The following C8orf34 variants were observed in gnomAD, a reference collection of about 807,000 sequenced individuals.
The protein encoded by C8orf34 is uncharacterized protein C8orf34.
A neutral mutation model predicts 68.3 loss-of-function variants in C8orf34; 65 were observed. The observed-to-expected ratio is 0.95, with a 90% CI of 0.78 to 1.17. The LOEUF (loss-of-function observed/expected upper bound fraction) is 1.17, where lower values mean the gene tolerates loss of function less well. Among genes scored for constraint, C8orf34 ranks in the 50% most tolerant of loss-of-function variants. C8orf34 has a pLI of 0.00. For missense variants in C8orf34, 664 were observed against 655.4 expected (o/e 1.01, Z -0.14); for synonymous variants, 244 against 241.2 (o/e 1.01, Z -0.11).
At chr8:68,381,425 C>T (rs937964502) in intron 1 of C8orf34, among the ~76,000 whole-genome samples, 16 of 152,144 alleles carry the variant, frequency 1.1e-4, no homozygotes, top group Non-Finnish European at 1.6e-4. Flanking sequence ...GTTTACAACA[C>T]ACATCATTTA....
intron 8 of C8orf34, among the ~76,000 whole-genome samples, chr8:68,696,203 T>C (rs1020549329): frequency 6.7e-6 from 1 of 149,264 alleles, no homozygotes; most frequent in African/African-American, 2.4e-5. Context: ...TGTATATACT[T>C]TATGTTATAT....
At chr8:68,497,421 A>C (rs1813572986) in intron 5 of C8orf34, among the ~76,000 whole-genome samples, 1 of 152,196 alleles carries the variant, frequency 6.6e-6, no homozygotes, top group Non-Finnish European at 1.5e-5. Context: ...GGGAATGCAA[A>C]ATGCTACAAA....
At chr8:68,355,997 A>G (rs927110437) in intron 1 of C8orf34, among the ~76,000 whole-genome samples, 1 of 152,086 alleles carries the variant, frequency 6.6e-6, no homozygotes, top group Non-Finnish European at 1.5e-5. Flanking sequence ...ATTACAGTTT[A>G]TATTCTGTTT....
chr8:68,484,954 C>T (rs575250813), intron 4 of C8orf34, among the ~76,000 whole-genome samples: 4 of 152,264 alleles, frequency 2.6e-5, no homozygotes, highest in African/African-American at 9.6e-5. Flanking sequence ...AGTATTTGAA[C>T]AAAATATGGT....
At chr8:68,586,793 A>T (rs937058831) in intron 7 of C8orf34, among the ~76,000 whole-genome samples, 8 of 152,098 alleles carry the variant, frequency 5.3e-5, no homozygotes, top group Non-Finnish European at 7.4e-5. Flanking sequence ...TTTTGTTTTG[A>T]TGAGCAAAGA....
rs1312371021 is a variant in C8orf34 at position 68,744,705 on chromosome 8, G to A, written c.1404+23268G>A. ...GAGAAAAAAGAATAAAAAGAAACGA[G>A]CAAAGCCTCCAAGAAATATGGGACT... On this transcript the variant is annotated intron_variant, in intron 10 of 13. Transcript: ENST00000518698. Among the ~76,000 whole-genome samples, 1,314 of 152,126 alleles carry A rather than the reference G, an allele frequency of 8.6e-3. 16 individuals are homozygous for A. Among genetic ancestry groups the A allele is most frequent in the African/African-American group, 0.028 (1,182 of 41,496 alleles).
At chr8:68,464,445 A>C (rs982163898) in intron 3 of C8orf34, among the ~76,000 whole-genome samples, 1 of 151,804 alleles carries the variant, frequency 6.6e-6, no homozygotes, top group Non-Finnish European at 1.5e-5. Flanking sequence ...ATTGGAAAAA[A>C]CTACTTTAAA....
intron 1 of C8orf34, among the ~76,000 whole-genome samples, chr8:68,388,388 A>C (rs2129620496): frequency 6.6e-6 from 1 of 152,224 alleles, no homozygotes; most frequent in Admixed American, 6.5e-5. Context: ...CAGCTAGCTG[A>C]GAATCACCCC....
Position 68,376,590 on chromosome 8 carries a change from A to G in C8orf34, c.327+45251A>G, listed in dbSNP as rs187204479. On this transcript the variant is annotated intron_variant, in intron 1 of 13. Transcript: ENST00000518698. Reference sequence around the variant, plus strand: ...GGCCTGCCTGCCTCCCTTTTCTTTTATGTTCTGTGCATCTTTCTCCTTTTT... The same window carrying G: ...GGCCTGCCTGCCTCCCTTTTCTTTTGTGTTCTGTGCATCTTTCTCCTTTTT... Among the ~76,000 whole-genome samples the G allele has an allele frequency of 4.1e-3, 612 of 150,254 alleles. 3 individuals are homozygous for G. Among genetic ancestry groups the G allele is most frequent in the African/African-American group, 0.014 (588 of 40,912 alleles).
At chr8:68,771,627 G>A (rs1398788232) in intron 10 of C8orf34, among the ~76,000 whole-genome samples, 5 of 151,690 alleles carry the variant, frequency 3.3e-5, no homozygotes, top group South Asian at 2.1e-4. Context: ...TCCTTTATCC[G>A]GACTAATGAC....
chr8:68,707,988 T>C (rs1266617709), intron 8 of C8orf34, among the ~76,000 whole-genome samples: 1 of 152,198 alleles, frequency 6.6e-6, no homozygotes, highest in Non-Finnish European at 1.5e-5. Context: ...TTGAAAAATA[T>C]GTAGCTAATT....
intron 1 of C8orf34, among the ~76,000 whole-genome samples, chr8:68,431,171 G>A (rs1810436922): frequency 6.6e-6 from 1 of 152,082 alleles, no homozygotes; most frequent in African/African-American, 2.4e-5. Flanking sequence ...TAAGGTGCAT[G>A]GAATCAAACT....
chr8:68,707,319 A>C (rs1229929484), intron 8 of C8orf34, among the ~76,000 whole-genome samples: 1 of 152,182 alleles, frequency 6.6e-6, no homozygotes, highest in African/African-American at 2.4e-5. Context: ...AGCCAGCTGC[A>C]AGGCCACCCA....
At chr8:68,501,542 C>G (rs938765531) in intron 5 of C8orf34, among the ~76,000 whole-genome samples, 1 of 152,192 alleles carries the variant, frequency 6.6e-6, no homozygotes, top group Non-Finnish European at 1.5e-5. Context: ...GCTGCCAGCA[C>G]TATGCCTTTG....
At chr8:68,507,935 G>T (rs1335680309) in intron 5 of C8orf34, among the ~76,000 whole-genome samples, 2 of 151,982 alleles carry the variant, frequency 1.3e-5, no homozygotes, top group Non-Finnish European at 2.9e-5. Context: ...CCTTGAATAG[G>T]CACCATTTCA....
In C8orf34 at chr8:68,679,006, A is replaced by G. The variant is rs143452243; in HGVS notation, c.1242-29988A>G. On this transcript the variant is annotated intron_variant, in intron 8 of 13. Coordinates refer to ENST00000518698, the MANE Select transcript of C8orf34 (RefSeq NM_052958.4). ...AATCAAGAAAGTTATCCCATTTACA[A>G]TAGCTACTAATAGGCCAGGCACGGT... 4.4e-3 allele frequency among the ~76,000 whole-genome samples: 663 copies of G among 152,254 alleles called. 10 individuals carry two copies. The highest frequency in any genetic ancestry group is 0.015 in the African/African-American group (624 of 41,550).
chr8:68,405,289 C>T (rs949336173), intron 1 of C8orf34, among the ~76,000 whole-genome samples: 3 of 152,086 alleles, frequency 2.0e-5, no homozygotes, highest in African/African-American at 7.2e-5. Context: ...TACTTGAATC[C>T]TTAGATATTA....
At chr8:68,719,436 T>C (rs1821605423) in intron 9 of C8orf34, among the ~76,000 whole-genome samples, 1 of 152,046 alleles carries the variant, frequency 6.6e-6, no homozygotes, top group South Asian at 2.1e-4. Flanking sequence ...ATACTTTTGC[T>C]TTATAAATGT....
At chr8:68,397,286 T>A (rs1251826589) in intron 1 of C8orf34, among the ~76,000 whole-genome samples, 2 of 151,958 alleles carry the variant, frequency 1.3e-5, no homozygotes, top group Non-Finnish European at 2.9e-5. Context: ...TTACAGGCAT[T>A]CATTGTTTTT....
Sources: allele counts gnomAD v4.1 joint callset (sites outside exome capture counted in the v4.1 genomes callset), GRCh38; gene constraint gnomAD v4.1.1; transcripts MANE v1.5; gene names NCBI Gene and HGNC (gene_info 2026-07-23, HGNC 2026-07-21).